ATP2A3: variants seen among roughly 807,000 people sequenced by gnomAD.
ATP2A3 encodes the protein ATPase sarcoplasmic/endoplasmic reticulum Ca2+ transporting 3, also known as sarcoplasmic/endoplasmic reticulum calcium ATPase 3.
ATP2A3 carries 61 observed loss-of-function variants against 106.8 expected under a neutral mutation model. That is an observed-to-expected ratio of 0.57 (90% CI 0.46 to 0.71). ATP2A3 has a LOEUF of 0.71. Ranked by LOEUF, ATP2A3 falls within the 30% of genes least tolerant of loss-of-function variation. The pLI is 0.00. For synonymous variants in ATP2A3, 611 were observed against 609.3 expected (o/e 1.00, Z -0.04); for missense variants, 1,201 against 1,423.5 (o/e 0.84, Z 2.52).
At chr17:3,961,383 C>A (rs2055127426) in intron 1 of ATP2A3, among the ~76,000 whole-genome samples, 1 of 152,222 alleles carries the variant, frequency 6.6e-6, no homozygotes, top group South Asian at 2.1e-4. Context: ...GGAGCCTCCC[C>A]ACTCACTCCC....
intron 14 of ATP2A3, among the ~76,000 whole-genome samples, chr17:3,939,741 C>T (rs1489588030): frequency 7.7e-6 from 1 of 129,544 alleles, no homozygotes; most frequent in Non-Finnish European, 1.6e-5. Flanking sequence ...GAGCCGAGAT[C>T]GTGCCACTGC....
In ATP2A3 at chr17:3,947,294, C is replaced by T. The variant is rs2054165675; in HGVS notation, c.1095+97G>A. The T allele has an allele frequency of 1.4e-6, 2 of 1,432,046 alleles. No individual in the cohort carries two copies. The highest frequency in any genetic ancestry group is 1.8e-5 in the Admixed American group (1 of 55,474). 88.7% of individuals were successfully genotyped at this position (1,432,046 alleles called of 1,614,324 possible). On this transcript the variant is annotated intron_variant, in intron 8 of 20. Transcript: ENST00000397041. This position sits in a 1 kb window ranked among gnomAD's most constrained non-coding sequence, Gnocchi z 7.7. ...CAAGGGACAGCCCACAGATTCTCTC[C>T]TCCATCCCTCACTGAAAAGGAGGTG...
At chr17:3,942,826 T>G in intron 11 of ATP2A3, 95 bp from the exon 12 acceptor site, 9 of 1,571,118 alleles carry the variant, frequency 5.7e-6, no homozygotes, top group Non-Finnish European at 7.8e-6. Flanking sequence ...AGCCTCTTGC[T>G]CTGTGTGGGA....
chr17:3,961,970 C>T (rs956492465), intron 1 of ATP2A3, among the ~76,000 whole-genome samples: 3 of 152,212 alleles, frequency 2.0e-5, no homozygotes, highest in African/African-American at 7.2e-5. Context: ...GCACCTCCTC[C>T]TCAAGCCATG....
chr17:3,940,879 T>C, intron 14 of ATP2A3, 92 bp downstream of exon 14: 1 of 1,403,232 alleles, frequency 7.1e-7, no homozygotes, highest in East Asian at 2.3e-5. Flanking sequence ...AAGGTAAGAA[T>C]GAGGCAGAGG....
Position 3,930,570 on chromosome 17 carries a change from TG to T in ATP2A3, c.2611-137del. 11 of 674,158 alleles carry T rather than the reference TG, an allele frequency of 1.6e-5. No individual in the cohort carries two copies. The highest frequency in any genetic ancestry group is 2.4e-5 in the Non-Finnish European group (11 of 455,422). 41.8% of individuals were successfully genotyped at this position (674,158 alleles called of 1,614,324 possible). A position where few individuals can be genotyped will look rare whatever the true frequency, so the allele number is the denominator to read the frequency against. On this transcript the variant is annotated intron_variant, in intron 17 of 20. Coordinates refer to ENST00000397041, the MANE Select transcript of ATP2A3 (RefSeq NM_005173.4). The surrounding 1 kb of genome is among the most constrained non-coding windows in gnomAD (Gnocchi z 5.4). ...CACAAAACACTGCCGTGGGGTGGGC[TG>T]GGGATCCCGGGAGGGGTGCGGGGTC... is the stretch of plus-strand genomic sequence containing the variant.
intron 4 of ATP2A3, 35 bp downstream of exon 4, chr17:3,951,546 G>GCCCCCCCCCCCCGGCCCCCCC: frequency 3.0e-6 from 4 of 1,319,566 alleles, no homozygotes; most frequent in Non-Finnish European, 4.2e-6. Context: ...CTGGGAGACC[G>GCCCCCCCCCCCCGGCCCCCCC]CCCCCCGCCC....
chr17:3,938,510 G>A (rs1346640987), intron 14 of ATP2A3, among the ~76,000 whole-genome samples: 6 of 152,138 alleles, frequency 3.9e-5, no homozygotes, highest in African/African-American at 1.4e-4. Context: ...CAAGGTCAAC[G>A]TTGAGAATAA....
chr17:3,942,861 AC>A, intron 11 of ATP2A3, 130 bp from the exon 12 acceptor site: 1 of 1,372,640 alleles, frequency 7.3e-7, no homozygotes, highest in Non-Finnish European at 1.0e-6. Flanking sequence ...CTCTGACCCC[AC>A]CATTCAAGGC....
At chr17:3,938,885 G>A (rs549348656) in intron 14 of ATP2A3, among the ~76,000 whole-genome samples, 4 of 152,304 alleles carry the variant, frequency 2.6e-5, no homozygotes, top group East Asian at 1.9e-4. Context: ...TAGTTATGTC[G>A]GGCTGGGTGT....
chr17:3,952,590 G>A (rs1291468888), intron 3 of ATP2A3, among the ~76,000 whole-genome samples: 4 of 151,910 alleles, frequency 2.6e-5, no homozygotes, highest in Non-Finnish European at 5.9e-5. Context: ...AATGTCCGAA[G>A]ACATTTTTAA....
chr17:3,933,079 C>T (rs1340321817), intron 17 of ATP2A3, among the ~76,000 whole-genome samples: 4 of 151,264 alleles, frequency 2.6e-5, no homozygotes, highest in African/African-American at 7.4e-5. Flanking sequence ...GTCAGGAGTT[C>T]GAGACCAGCC....
Position 3,953,298 on chromosome 17 carries a change from C to A in ATP2A3, c.219+49G>T, listed in dbSNP as rs748550991. 1 of 1,593,558 alleles carries A rather than the reference C, an allele frequency of 6.3e-7. No homozygotes were observed. The highest frequency in any genetic ancestry group is 8.6e-7 in the Non-Finnish European group (1 of 1,161,946). On this transcript the variant is annotated intron_variant, in intron 3 of 20. Transcript: ENST00000397041. This position sits in a 1 kb window ranked among gnomAD's most constrained non-coding sequence, Gnocchi z 5.1. ...CGGAGCACTGCCCAGCCTGGCTCTC[C>A]CTCCAGGGCTACCGACTACCACAGG... is the stretch of plus-strand genomic sequence containing the variant.
intron 1 of ATP2A3, among the ~76,000 whole-genome samples, chr17:3,961,762 A>G (rs796668857): frequency 3.4e-4 from 51 of 152,226 alleles, no homozygotes; most frequent in African/African-American, 1.2e-3. Flanking sequence ...ACAAGGAAGG[A>G]TGACTTGGTG....
chr17:3,949,237 C>T (rs1037516046), intron 7 of ATP2A3, among the ~76,000 whole-genome samples: 6 of 152,066 alleles, frequency 3.9e-5, no homozygotes, highest in Non-Finnish European at 7.4e-5. Flanking sequence ...TGGCCTGGGC[C>T]ATTGTCTGAC....
rs764651536 is a variant in ATP2A3, at chr17:3,936,599, G to A, written c.2322-130C>T. ...CTCCACAGCAGCCCCTCCTCCCTCC[G>A]CCAGCTGTGATGTGAAGGGTGTGTG... On this transcript the variant is annotated intron_variant, in intron 15 of 20. Coordinates refer to ENST00000397041, the MANE Select transcript of ATP2A3 (RefSeq NM_005173.4). This position sits in a 1 kb window ranked among gnomAD's most constrained non-coding sequence, Gnocchi z 5.4. The A allele has an allele frequency of 2.0e-4, 197 of 969,874 alleles. No individual in the cohort carries two copies. The highest frequency in any genetic ancestry group is 6.0e-4 in the South Asian group (44 of 72,908). 60.1% of individuals were successfully genotyped at this position (969,874 alleles called of 1,614,324 possible).
rs549431694 is a variant in ATP2A3 at position 3,928,619 on chromosome 17, G to A, written c.2980+44C>T. On this transcript the variant is annotated intron_variant, in intron 20 of 20. Transcript: ENST00000397041. The surrounding 1 kb of genome is among the most constrained non-coding windows in gnomAD (Gnocchi z 6.1). ...TCCACTGCAGCCCAGGAGCAGAGGC[G>A]GGCGGGGAGGCAGGCTGGAGGCGGG... The A allele has an allele frequency of 6.3e-5, 94 of 1,486,186 alleles. No individual in the cohort carries two copies. The Admixed American group carries it at 1.1e-3, about 17-fold the overall frequency. The allele number at this position is 1,486,186 out of a possible 1,614,324, so 92.1% of individuals were successfully genotyped here. A position where few individuals can be genotyped will look rare whatever the true frequency, so the allele number is the denominator to read the frequency against.
rs768473755 is a variant in ATP2A3, at chr17:3,947,658, G to A, written c.828C>T (p.Ile276=). ...VICVAVWVIN[I]GHFADPAHGG... is the part of the protein sequence containing the mutation. ...CGTGGGCCGGGTCGGCGAAGTGGCC[G>A]ATGTTGATGACCCACACGGCCACGC... The change falls in exon 8 of 21, where the codon ATC becomes ATT. Residue 276 remains isoleucine (I), a synonymous_variant. Transcript: ENST00000397041. This position sits in a 1 kb window ranked among gnomAD's most constrained non-coding sequence, Gnocchi z 7.7. The A allele has an allele frequency of 3.2e-5, 51 of 1,612,180 alleles. No homozygotes were observed. Among genetic ancestry groups the A allele is most frequent in the Admixed American group, 8.3e-5 (5 of 59,994 alleles).
In ATP2A3 at chr17:3,953,937, G is replaced by T. The variant is rs1166300958; in HGVS notation, c.119-227C>A. Among the ~76,000 whole-genome samples, 1 of 152,034 alleles carries T rather than the reference G, an allele frequency of 6.6e-6. No individual in the cohort carries two copies. The highest frequency in any genetic ancestry group is 2.4e-5 in the African/African-American group (1 of 41,394). On this transcript the variant is annotated intron_variant, in intron 1 of 20. Coordinates refer to ENST00000397041, the MANE Select transcript of ATP2A3 (RefSeq NM_005173.4). The surrounding 1 kb of genome is among the most constrained non-coding windows in gnomAD (Gnocchi z 5.1). ...ACTCAGATTGAGGAAGATCTAGGGT[G>T]ACTTGGCTCATCGTGGGATGAGTAC... is the stretch of plus-strand genomic sequence containing the variant.
Sources: allele counts gnomAD v4.1 joint callset (sites outside exome capture counted in the v4.1 genomes callset), GRCh38; gene constraint gnomAD v4.1.1; non-coding constraint Gnocchi (gnomAD v3.1); transcripts MANE v1.5; gene names NCBI Gene and HGNC (gene_info 2026-07-23, HGNC 2026-07-21).